DHX15: variants seen among roughly 807,000 people sequenced by gnomAD.
The protein encoded by DHX15 is ATP-dependent RNA helicase DHX15.
In DHX15, 11 loss-of-function variants were observed where a neutral mutation model predicts 94.4. The observed-to-expected ratio is 0.12, with a 90% CI of 0.07 to 0.19. The LOEUF (loss-of-function observed/expected upper bound fraction) is 0.19. Ranked by LOEUF, DHX15 falls within the 10% of genes least tolerant of loss-of-function variation. The pLI is 1.00. For synonymous variants in DHX15, 338 were observed against 329.9 expected (o/e 1.02, Z -0.27); for missense variants, 304 against 988.5 (o/e 0.31, Z 9.29).
intron 6 of DHX15, among the ~76,000 whole-genome samples, chr4:24,546,263 A>G (rs1254601623): frequency 1.3e-5 from 2 of 152,244 alleles, no homozygotes; most frequent in African/African-American, 2.4e-5. Flanking sequence ...CTACAGGACC[A>G]TCTCCACAAG....
chr4:24,528,929 T>G (rs920414376), intron 13 of DHX15, among the ~76,000 whole-genome samples: 1 of 151,734 alleles, frequency 6.6e-6, no homozygotes, highest in Non-Finnish European at 1.5e-5. Context: ...AAAACAGATT[T>G]CTGCAAGCAA....
At position 24,529,717 on chromosome 4, in the gene DHX15, C is replaced by A. The variant is rs748026176; in HGVS notation, c.2154G>T (p.Val718=). 1 of 1,614,186 alleles carries A rather than the reference C, an allele frequency of 6.2e-7. No individual in the cohort carries two copies. The highest frequency in any genetic ancestry group is 1.1e-5 in the South Asian group (1 of 91,086). ...GHYLTVKDNQ[V]VQLHPSTVLD... ...GAACAGTAGAGGGATGCAACTGAACCACCTGGTTATCTTTCACAGTTAAGT... is the reference window on the plus strand; with the variant it reads ...GAACAGTAGAGGGATGCAACTGAACAACCTGGTTATCTTTCACAGTTAAGT... Residue 718 remains valine (V), a synonymous_variant, in exon 13 of 14, where the codon GTG becomes GTT. Coordinates refer to ENST00000336812, the MANE Select transcript of DHX15 (RefSeq NM_001358.3).
intron 5 of DHX15, among the ~76,000 whole-genome samples, chr4:24,552,396 C>G (rs1338188486): frequency 6.6e-6 from 1 of 152,202 alleles, no homozygotes; most frequent in Non-Finnish European, 1.5e-5. Context: ...TACAATCACT[C>G]TTATCTAATT....
At position 24,549,009 on chromosome 4, in the gene DHX15, G is replaced by A. The variant is rs1370840441; in HGVS notation, c.1094C>T (p.Ala365Val). ...FLTGQEEIDE[A>V]CKRIKREVDD... ...AACTTCACGCTTTATTCTCTTACAG[G>A]CTTCATCAATTTCCTACAAAATAAA... Residue 365 changes from alanine (A) to valine (V), a missense_variant, in exon 6 of 14, where the codon GCC becomes GTC. This residue lies in a region of DHX15 where 40 missense variants were observed against 107.1 expected (regional missense o/e 0.37). Coordinates refer to ENST00000336812, the MANE Select transcript of DHX15 (RefSeq NM_001358.3). The A allele has an allele frequency of 6.2e-7, 1 of 1,606,772 alleles. No homozygotes were observed.
intron 3 of DHX15, 142 bp from the exon 4 acceptor site, chr4:24,556,552 C>A: frequency 1.6e-6 from 1 of 638,568 alleles, no homozygotes; most frequent in Non-Finnish European, 2.6e-6. Flanking sequence ...GTTTCATGAT[C>A]AATTGCAAAA....
chr4:24,529,998 T>C (rs1055253889), intron 12 of DHX15: 2 of 559,886 alleles, frequency 3.6e-6, no homozygotes, highest in Non-Finnish European at 6.2e-6. Flanking sequence ...GGTTTATTTA[T>C]CTTTAATTAG....
rs1237426889 is a variant in DHX15, at chr4:24,549,883, TG to T, written c.1081-862del. On this transcript the variant is annotated intron_variant, in intron 5 of 13. Coordinates refer to ENST00000336812, the MANE Select transcript of DHX15 (RefSeq NM_001358.3). ...CCGAGGTGGGCGGATCACCTGAGGT[TG>T]GGAGTTCGAGACCACCCTGACCAAC... Among the ~76,000 whole-genome samples the T allele has an allele frequency of 4.6e-5, 7 of 151,694 alleles. No individual in the cohort carries two copies. In the East Asian group the frequency reaches 1.4e-3, roughly 29 times the overall value.
At position 24,584,306 on chromosome 4, in the gene DHX15, C is replaced by T; in HGVS notation, c.71+17G>A. On this transcript the variant is annotated intron_variant, in intron 1 of 13. Transcript: ENST00000336812. ...ACAAAGCCCGAGCTGCCGCCTCGCG[C>T]CCCCGGCCTGGCTTACCCATCGGTC... is the stretch of plus-strand genomic sequence containing the variant. The T allele has an allele frequency of 1.2e-6, 2 of 1,607,634 alleles. No individual in the cohort carries two copies. Among genetic ancestry groups the T allele is most frequent in the Non-Finnish European group, 1.7e-6 (2 of 1,177,996 alleles).
chr4:24,543,078 A>G, intron 6 of DHX15, 52 bp from the exon 7 acceptor site: 1 of 1,330,192 alleles, frequency 7.5e-7, no homozygotes, highest in Non-Finnish European at 1.1e-6. Flanking sequence ...TAAAATTAAC[A>G]GGACTGTTAA....
chr4:24,548,843 T>C lies in DHX15; in HGVS notation c.1248+12A>G, dbSNP rs1289838844. 4 of 1,607,908 alleles carry C rather than the reference T, an allele frequency of 2.5e-6. No homozygotes were observed. The highest frequency in any genetic ancestry group is 3.4e-6 in the Non-Finnish European group (4 of 1,177,172). ...TTAGTGAAATATTTATAAAGAGCAT[T>C]TCTAATGTTACCTTTCTTCCAATTG... On this transcript the variant is annotated intron_variant, in intron 6 of 13. Transcript: ENST00000336812.
At chr4:24,554,613 G>A in intron 5 of DHX15, 112 bp downstream of exon 5, 2 of 802,084 alleles carry the variant, frequency 2.5e-6, no homozygotes, top group Non-Finnish European at 4.0e-6. Context: ...ATACAATCAG[G>A]TTGAAGAACA....
In DHX15 at chr4:24,576,768, G is replaced by A. The variant is rs1438781844; in HGVS notation, c.72-90C>T. On this transcript the variant is annotated intron_variant, in intron 1 of 13. Coordinates refer to ENST00000336812, the MANE Select transcript of DHX15 (RefSeq NM_001358.3). ...ATCACAAAGAGAGTAAATGTCCAAC[G>A]TTCAAATGAATAAAAAGTCCAATGG... The A allele has an allele frequency of 6.0e-6, 9 of 1,497,190 alleles. No homozygotes were observed. In the Admixed American group the frequency reaches 9.1e-5, roughly 15 times the overall value. 92.7% of individuals were successfully genotyped at this position (1,497,190 alleles called of 1,614,324 possible).
chr4:24,584,224 G>C (rs1294990258), intron 1 of DHX15, 99 bp downstream of exon 1: 1 of 1,241,208 alleles, frequency 8.1e-7, no homozygotes, highest in Admixed American at 2.2e-5. Flanking sequence ...ACAAAGGCTC[G>C]GGCTCCAGGA....
rs1431372890 is a variant in DHX15, at chr4:24,584,226, G to C, written c.71+97C>G. 3.2e-6 allele frequency: 4 copies of C among 1,251,532 alleles called. No homozygotes were observed. In the African/African-American group the frequency reaches 6.1e-5, roughly 19 times the overall value. 77.5% of individuals were successfully genotyped at this position (1,251,532 alleles called of 1,614,324 possible). On this transcript the variant is annotated intron_variant, in intron 1 of 13. Coordinates refer to ENST00000336812, the MANE Select transcript of DHX15 (RefSeq NM_001358.3). ...AGCCCAGAGAGAAACAAAGGCTCGGGCTCCAGGACCCGCTCGGCCAGGCCA... is the reference window on the plus strand; with the variant it reads ...AGCCCAGAGAGAAACAAAGGCTCGGCCTCCAGGACCCGCTCGGCCAGGCCA...
intron 3 of DHX15, among the ~76,000 whole-genome samples, chr4:24,559,729 A>T (rs954207251): frequency 1.3e-5 from 2 of 152,158 alleles, no homozygotes; most frequent in South Asian, 4.1e-4. Flanking sequence ...TAGGGCAGAG[A>T]TGCTCTTAAA....
chr4:24,569,591 CAAAAAAAAAAA>C lies in DHX15; in HGVS notation c.701+1052_701+1062del, dbSNP rs60075617. ...TGGGCAACAGAGTGAGACTCCATCT[CAAAAAAAAAAA>C]AAAAAAAAAAAAAGAGAGACTCTTG... On this transcript the variant is annotated intron_variant, in intron 3 of 13. Transcript: ENST00000336812. 2.0e-3 allele frequency among the ~76,000 whole-genome samples: 139 copies of C among 68,684 alleles called. 1 individual carries two copies. The South Asian group carries it at 0.046, about 23-fold the overall frequency. The allele number at this position is 68,684 out of a possible 152,430, so 45.1% of individuals were successfully genotyped here.
chr4:24,529,948 A>T, intron 12 of DHX15, 178 bp from the exon 13 acceptor site: 2 of 637,526 alleles, frequency 3.1e-6, no homozygotes, highest in Non-Finnish European at 5.4e-6. Context: ...GGCCAAATCC[A>T]ACTCATAGCC....
intron 3 of DHX15, among the ~76,000 whole-genome samples, chr4:24,559,384 A>AAAG (rs1258239717): frequency 1.4e-5 from 2 of 142,790 alleles, no homozygotes; most frequent in Admixed American, 6.8e-5. Context: ...CTAAAAAAAA[A>AAAG]AAAAAAAAAA....
At chr4:24,559,951 A>G (rs1217339109) in intron 3 of DHX15, among the ~76,000 whole-genome samples, 1 of 152,222 alleles carries the variant, frequency 6.6e-6, no homozygotes, top group Non-Finnish European at 1.5e-5. Flanking sequence ...TAAAGTAGCA[A>G]AAACATCCTT....
Sources: allele counts gnomAD v4.1 joint callset (sites outside exome capture counted in the v4.1 genomes callset), GRCh38; gene constraint gnomAD v4.1.1; regional missense constraint gnomAD v4.1.1; transcripts MANE v1.5; gene names NCBI Gene and HGNC (gene_info 2026-07-23, HGNC 2026-07-21).